The following ZMYM1 variants were observed in gnomAD, a reference collection of about 807,000 sequenced individuals.
The protein encoded by ZMYM1 is zinc finger MYM-type protein 1.
In ZMYM1, 39 loss-of-function variants were observed where a neutral mutation model predicts 60.0. The observed-to-expected ratio is 0.65, with a 90% CI of 0.50 to 0.85. The LOEUF is 0.85. ZMYM1 is among the 40% of genes least tolerant of loss of function. The pLI, the probability that ZMYM1 is intolerant of heterozygous loss-of-function variation, is 0.00. For missense variants in ZMYM1, 1,171 were observed against 1,309.5 expected, an observed-to-expected ratio of 0.89 and a Z score of 1.63; for synonymous variants, 413 against 454.0, an observed-to-expected ratio of 0.91 and a Z score of 1.15.
At chr1:35,070,112 A>G (rs1412376887) in intron 1 of ZMYM1, among the ~76,000 whole-genome samples, 2 of 152,068 alleles carry the variant, frequency 1.3e-5, no homozygotes, top group East Asian at 3.9e-4. Context: ...TGTTTTTTAT[A>G]TTTCTGTGAA....
At position 35,114,589 on chromosome 1, in the gene ZMYM1, G is replaced by C. The variant is rs1294818970; in HGVS notation, c.2759G>C (p.Cys920Ser). Reference sequence around the variant, plus strand: ...ATCTGGGATGGAACAGAGGAAATATGTCAAAAAATAACCTGTAAAGGTTTT... The same window carrying C: ...ATCTGGGATGGAACAGAGGAAATATCTCAAAAAATAACCTGTAAAGGTTTT... ...KTIWDGTEEI[C>S]QKITCKGFKV... is the part of the protein sequence containing the mutation. Residue 920 changes from cysteine (C) to serine (S), a missense_variant, in exon 10 of 10, where the codon TGT becomes TCT. Physicochemically the swap from Cys to Ser is moderately radical, Grantham distance 112. Transcript: ENST00000359858. 1.2e-6 allele frequency: 2 copies of C among 1,609,236 alleles called. No homozygotes were observed. The highest frequency in any genetic ancestry group is 2.2e-5 in the East Asian group (1 of 44,782).
intron 6 of ZMYM1, among the ~76,000 whole-genome samples, chr1:35,106,925 C>T (rs1330663507): frequency 6.6e-6 from 1 of 151,630 alleles, no homozygotes; most frequent in African/African-American, 2.4e-5. Flanking sequence ...AATCTCAGCT[C>T]ACTGCAAGCT....
Position 35,094,049 on chromosome 1 carries a change from T to A in ZMYM1, c.62T>A (p.Leu21Gln). ...DKAVASQLGL[L>Q]DEIKTEPDNA... ...GCAGTGGCATCACAGCTGGGGCTGC[T>A]AGATGAAATTAAGACAGAACCCGAC... Residue 21 changes from leucine to glutamine, a missense_variant, in exon 2 of 10, where the codon CTA (leucine) becomes CAA (glutamine). Leu to Gln is a moderately radical substitution (Grantham distance 113, BLOSUM62 -2). Coordinates refer to ENST00000359858, the MANE Select transcript of ZMYM1 (RefSeq NM_024772.5). 6.2e-7 allele frequency: 1 copy of A among 1,611,498 alleles called. No individual in the cohort carries two copies. Among genetic ancestry groups the A allele is most frequent in the African/African-American group, 1.3e-5 (1 of 74,918 alleles).
intron 4 of ZMYM1, among the ~76,000 whole-genome samples, chr1:35,098,768 A>C (rs1643477057): frequency 1.3e-5 from 2 of 152,172 alleles, no homozygotes; most frequent in African/African-American, 4.8e-5. Context: ...TTAGCTGAGC[A>C]CTGTGGCATG....
chr1:35,095,791 T>C, intron 2 of ZMYM1, 28 bp from the exon 3 acceptor site: 1 of 1,503,032 alleles, frequency 6.7e-7, no homozygotes, highest in Non-Finnish European at 9.1e-7. Flanking sequence ...TTCACTATTT[T>C]TAATTATTAT....
chr1:35,108,774 G>A lies in ZMYM1; in HGVS notation c.808-1520G>A, dbSNP rs148147472. ...GGATGGAGGCTGGAGTGCATGGTGTGAGCAAAGCTCACTGGAGGCCCAACC... is the reference window on the plus strand; with the variant it reads ...GGATGGAGGCTGGAGTGCATGGTGTAAGCAAAGCTCACTGGAGGCCCAACC... On this transcript the variant is annotated intron_variant, in intron 6 of 9. Transcript: ENST00000359858. Among the ~76,000 whole-genome samples, 85 of 146,448 alleles carry A rather than the reference G, an allele frequency of 5.8e-4. 1 individual carries two copies. The highest frequency in any genetic ancestry group is 3.9e-3 in the South Asian group (18 of 4,580).
At chr1:35,068,002 G>A (rs375866494) in intron 1 of ZMYM1, among the ~76,000 whole-genome samples, 8 of 152,142 alleles carry the variant, frequency 5.3e-5, no homozygotes, top group Admixed American at 3.9e-4. Context: ...TGCTAGGCTG[G>A]TCTTGGACTC....
Position 35,097,476 on chromosome 1 carries a change from A to G in ZMYM1, c.329A>G (p.Gln110Arg). ...QTAYQRKGSAQLFCSIPCITE... is the reference protein window; with the variant it reads ...QTAYQRKGSARLFCSIPCITE... ...GCTTATCAGAGGAAAGGATCTGCTC[A>G]ACTTTTCTGCTCCATACCATGCATC... Residue 110 changes from glutamine (Q) to arginine (R), a missense_variant, in exon 4 of 10, where the codon CAA (glutamine) becomes CGA (arginine). Coordinates refer to ENST00000359858, the MANE Select transcript of ZMYM1 (RefSeq NM_024772.5). 4.3e-6 allele frequency: 7 copies of G among 1,614,136 alleles called. No homozygotes were observed. Among genetic ancestry groups the G allele is most frequent in the Non-Finnish European group, 5.1e-6 (6 of 1,180,020 alleles).
At chr1:35,099,572 T>G (rs1643527866) in intron 4 of ZMYM1, among the ~76,000 whole-genome samples, 2 of 152,184 alleles carry the variant, frequency 1.3e-5, no homozygotes, top group South Asian at 4.1e-4. Context: ...GGTAGTAAAT[T>G]TTAGGCTGGA....
At chr1:35,100,124 C>T (rs999854090) in intron 4 of ZMYM1, among the ~76,000 whole-genome samples, 37 of 152,244 alleles carry the variant, frequency 2.4e-4, no homozygotes, top group African/African-American at 8.4e-4. Context: ...CTCCGGACCT[C>T]AGGTGATCTG....
intron 1 of ZMYM1, among the ~76,000 whole-genome samples, chr1:35,069,987 T>C (rs1442061498): frequency 2.6e-5 from 4 of 152,214 alleles, no homozygotes; most frequent in African/African-American, 9.6e-5. Flanking sequence ...TTGGTTACTA[T>C]AGCTTGATAG....
At chr1:35,082,858 G>A (rs1414107001) in intron 1 of ZMYM1, among the ~76,000 whole-genome samples, 1 of 151,744 alleles carries the variant, frequency 6.6e-6, no homozygotes, top group East Asian at 2.0e-4. Context: ...GTGCATGCCT[G>A]TAATCCTAGC....
intron 6 of ZMYM1, among the ~76,000 whole-genome samples, chr1:35,107,802 CTT>C (rs1165798781): frequency 1.3e-5 from 2 of 152,154 alleles, no homozygotes; most frequent in East Asian, 3.9e-4. Context: ...ATTAAACTAA[CTT>C]AATTATAAAT....
chr1:35,061,819 T>TA (rs1326070837), intron 1 of ZMYM1, among the ~76,000 whole-genome samples: 18 of 144,932 alleles, frequency 1.2e-4, no homozygotes, highest in African/African-American at 5.0e-4. Context: ...TTCCCTTTTA[T>TA]TTTTATTTAT....
chr1:35,108,642 C>T (rs1237212126), intron 6 of ZMYM1, among the ~76,000 whole-genome samples: 3 of 151,726 alleles, frequency 2.0e-5, no homozygotes, highest in Admixed American at 6.6e-5. Flanking sequence ...TGTGAGTCAC[C>T]GTGCCCAGCC....
chr1:35,069,836 A>G (rs988883687), intron 1 of ZMYM1, among the ~76,000 whole-genome samples: 3 of 152,186 alleles, frequency 2.0e-5, no homozygotes, highest in Non-Finnish European at 4.4e-5. Context: ...TTGTTTATTG[A>G]AGAAACTGTC....
At chr1:35,066,173 A>T (rs957068603) in intron 1 of ZMYM1, among the ~76,000 whole-genome samples, 1 of 152,254 alleles carries the variant, frequency 6.6e-6, no homozygotes, top group Non-Finnish European at 1.5e-5. Flanking sequence ...GTATTTTTAT[A>T]TACTGGCAAT....
intron 6 of ZMYM1, among the ~76,000 whole-genome samples, chr1:35,105,207 T>C (rs1281643780): frequency 6.9e-6 from 1 of 144,968 alleles, no homozygotes; most frequent in Non-Finnish European, 1.5e-5. Context: ...CGATCTCGGC[T>C]CACTGCAAGT....
chr1:35,097,205 G>A (rs2148522822), intron 3 of ZMYM1, 112 bp from the exon 4 acceptor site: 2 of 1,242,176 alleles, frequency 1.6e-6, no homozygotes, highest in Non-Finnish European at 1.1e-6. Context: ...GTGCAAAAGA[G>A]GGCAACAGAA....
Sources: gnomAD v4.1 joint callset for allele counts (sites outside exome capture counted in the v4.1 genomes callset) on GRCh38, gnomAD v4.1.1 for gene constraint, MANE v1.5 for transcripts, NCBI Gene and HGNC (gene_info 2026-07-23, HGNC 2026-07-21) for gene names.